COLEC10: variants seen among roughly 807,000 people sequenced by gnomAD.
The protein encoded by COLEC10 is collectin-10.
COLEC10 carries 22 observed loss-of-function variants against 28.4 expected under a neutral mutation model. That is an observed-to-expected ratio of 0.78 (90% CI 0.55 to 1.11). The LOEUF (loss-of-function observed/expected upper bound fraction) is 1.11, where lower values mean the gene tolerates loss of function less well. Among genes scored for constraint, COLEC10 ranks in the 50% least tolerant of loss-of-function variants. The probability of loss-of-function intolerance (pLI) is 0.00; values close to 1 mark genes in which losing one functional copy is unlikely to be tolerated. For synonymous variants in COLEC10, 125 were observed against 116.1 expected, an observed-to-expected ratio of 1.08 and a Z score of -0.49; for missense variants, 361 against 344.1, an observed-to-expected ratio of 1.05 and a Z score of -0.39.
chr8:118,999,789 T>C (rs1813657702), intron 1 of COLEC10, among the ~76,000 whole-genome samples: 2 of 152,124 alleles, frequency 1.3e-5, no homozygotes, highest in Non-Finnish European at 2.9e-5. Context: ...TGGGAAGATA[T>C]AAAATGTTGG....
intron 2 of COLEC10, among the ~76,000 whole-genome samples, chr8:119,059,441 A>G (rs1485049652): frequency 6.6e-6 from 1 of 151,992 alleles, no homozygotes; most frequent in Non-Finnish European, 1.5e-5. Context: ...TAATTTTTCC[A>G]GCATCATTTG....
intron 2 of COLEC10, among the ~76,000 whole-genome samples, chr8:119,055,275 G>A (rs2130185070): frequency 6.6e-6 from 1 of 152,148 alleles, no homozygotes; most frequent in African/African-American, 2.4e-5. Context: ...TCAGAAGCAA[G>A]GGGTAAAGGA....
chr8:119,064,442 G>A (rs183659556), upstream of COLEC10, among the ~76,000 whole-genome samples: 1 of 152,278 alleles, frequency 6.6e-6, no homozygotes, highest in East Asian at 1.9e-4. Flanking sequence ...AACAAATAGT[G>A]AAGTAGACTT....
chr8:119,034,483 C>T (rs569560704), intron 2 of COLEC10, among the ~76,000 whole-genome samples: 11 of 150,300 alleles, frequency 7.3e-5, no homozygotes, highest in Non-Finnish European at 1.2e-4. Context: ...GAGGCCAAGG[C>T]GGGTGGATCA....
chr8:119,065,349 T>G (rs1040876069), upstream of COLEC10, among the ~76,000 whole-genome samples: 1 of 152,038 alleles, frequency 6.6e-6, no homozygotes, highest in Non-Finnish European at 1.5e-5. Context: ...CAAACCCTAT[T>G]GTGAATTGTG....
rs193069712 is a variant in COLEC10 at position 119,092,428 on chromosome 8, T to C, written c.292+1208T>C. Among the ~76,000 whole-genome samples, 395 of 152,284 alleles carry C rather than the reference T, an allele frequency of 2.6e-3. 1 individual carries two copies. The highest frequency in any genetic ancestry group is 9.1e-3 in the African/African-American group (380 of 41,566). ...TAGAAAACAGAGATAGTCTCCTCTG[T>C]ATTGTCTAAGCATTCCTTCCCTGTC... On this transcript the variant is annotated intron_variant, in intron 3 of 5. Coordinates refer to ENST00000332843, the MANE Select transcript of COLEC10 (RefSeq NM_006438.5).
rs1194326968 is a variant in COLEC10, at chr8:119,086,887, C to T, written c.149-2793C>T. ...AGAAATGCTAAGGCAGGAATTTGTT[C>T]TAAATCATCCAGCTTGTTCAGAACA... On this transcript the variant is annotated intron_variant, in intron 1 of 5. Coordinates refer to ENST00000332843, the MANE Select transcript of COLEC10 (RefSeq NM_006438.5). Among the ~76,000 whole-genome samples the T allele has an allele frequency of 1.1e-4, 16 of 152,192 alleles. 1 individual carries two copies. The highest frequency in any genetic ancestry group is 1.0e-3 in the Admixed American group (16 of 15,284).
the COLEC10 span, among the ~76,000 whole-genome samples, chr8:118,975,586 G>C: frequency 6.6e-6 from 1 of 152,004 alleles, no homozygotes; most frequent in South Asian, 2.1e-4. Flanking sequence ...TTTAGGCATG[G>C]ACAGATCCTA....
chr8:119,096,330 G>A (rs201545097), intron 3 of COLEC10, among the ~76,000 whole-genome samples: 8 of 152,298 alleles, frequency 5.3e-5, no homozygotes, highest in South Asian at 2.1e-4. Flanking sequence ...AGTAGCTGAC[G>A]CCTGTACTCC....
At chr8:118,965,509 C>T in the COLEC10 span, among the ~76,000 whole-genome samples, 1 of 152,034 alleles carries the variant, frequency 6.6e-6, no homozygotes, top group East Asian at 1.9e-4. Context: ...CAACAAGATT[C>T]CTGGTAGGTT....
chr8:118,990,301 C>T, the COLEC10 span, among the ~76,000 whole-genome samples: 1 of 151,798 alleles, frequency 6.6e-6, no homozygotes, highest in Admixed American at 6.6e-5. Flanking sequence ...AAGAATATAC[C>T]TTTAGGAAGA....
chr8:119,080,456 A>T (rs1177117279), intron 1 of COLEC10, among the ~76,000 whole-genome samples: 4 of 152,184 alleles, frequency 2.6e-5, no homozygotes, highest in Non-Finnish European at 4.4e-5. Flanking sequence ...TTATTTAAAT[A>T]ATACTCCAAG....
At chr8:119,069,184 T>C (rs1235537385) in intron 1 of COLEC10, among the ~76,000 whole-genome samples, 1 of 152,090 alleles carries the variant, frequency 6.6e-6, no homozygotes, top group Non-Finnish European at 1.5e-5. Flanking sequence ...TTTGAAAATT[T>C]CCTACACACC....
intron 1 of COLEC10, among the ~76,000 whole-genome samples, chr8:119,083,600 G>T (rs1479666020): frequency 6.6e-6 from 1 of 152,082 alleles, no homozygotes; most frequent in African/African-American, 2.4e-5. Flanking sequence ...GCTCTTTGAT[G>T]AATTTTACCC....
intron 3 of COLEC10, among the ~76,000 whole-genome samples, chr8:119,099,515 A>C (rs1443040840): frequency 6.6e-6 from 1 of 152,042 alleles, no homozygotes. Flanking sequence ...TAACCTGTCC[A>C]TGTGTAGCCA....
chr8:118,994,114 T>C (rs188153048), upstream of COLEC10, among the ~76,000 whole-genome samples: 1 of 152,172 alleles, frequency 6.6e-6, no homozygotes, highest in Non-Finnish European at 1.5e-5. Flanking sequence ...CTGAATACAA[T>C]AGCTTGGATT....
At chr8:119,099,588 C>T (rs1050227568) in intron 3 of COLEC10, among the ~76,000 whole-genome samples, 3 of 150,250 alleles carry the variant, frequency 2.0e-5, no homozygotes, top group African/African-American at 7.3e-5. Context: ...TTTCATTGCA[C>T]CACACTGCTT....
intron 2 of COLEC10, among the ~76,000 whole-genome samples, chr8:119,031,210 C>T (rs1170986724): frequency 6.6e-6 from 1 of 152,170 alleles, no homozygotes; most frequent in African/African-American, 2.4e-5. Context: ...GTGAATGATT[C>T]TCAGTCACAA....
At chr8:119,043,307 A>G (rs1192092297) in intron 2 of COLEC10, among the ~76,000 whole-genome samples, 1 of 152,178 alleles carries the variant, frequency 6.6e-6, no homozygotes, top group Non-Finnish European at 1.5e-5. Flanking sequence ...CACATAAAAC[A>G]TTGCAAGGAT....
Sources: allele counts gnomAD v4.1 joint callset (sites outside exome capture counted in the v4.1 genomes callset), GRCh38; gene constraint gnomAD v4.1.1; transcripts MANE v1.5; gene names NCBI Gene and HGNC (gene_info 2026-07-23, HGNC 2026-07-21).